CACHD1: variants seen among roughly 807,000 people sequenced by gnomAD.
CACHD1 encodes VWFA and cache domain-containing protein 1.
In CACHD1, 71 loss-of-function variants were observed where a neutral mutation model predicts 138.7. The ratio of observed to expected loss-of-function variants is 0.51; its 90% confidence interval spans 0.42 to 0.62. The LOEUF is 0.62. Ranked by LOEUF, CACHD1 falls within the 20% of genes least tolerant of loss-of-function variation. CACHD1 has a pLI of 0.00. For synonymous variants in CACHD1, 578 were observed against 591.5 expected (o/e 0.98, Z 0.33); for missense variants, 1,389 against 1,625.3 (o/e 0.85, Z 2.50).
At chr1:64,685,865 A>C (rs1413199257) in intron 26 of CACHD1, among the ~76,000 whole-genome samples, 2 of 152,012 alleles carry the variant, frequency 1.3e-5, no homozygotes, top group Non-Finnish European at 2.9e-5. Flanking sequence ...AAAGAAAAAA[A>C]AAATGCTGGG....
At chr1:64,673,307 A>G in intron 18 of CACHD1, 41 bp from the exon 19 acceptor site, 1 of 1,612,940 alleles carries the variant, frequency 6.2e-7, no homozygotes, top group Non-Finnish European at 8.5e-7. Context: ...CCTGCAGCTC[A>G]CTACATGGCA....
chr1:64,503,426 TAC>T (rs1393659354), intron 1 of CACHD1, among the ~76,000 whole-genome samples: 1 of 152,202 alleles, frequency 6.6e-6, no homozygotes, highest in Non-Finnish European at 1.5e-5. Flanking sequence ...TCCAAAAATT[TAC>T]AGAGCCAAGA....
chr1:64,654,004 G>A, intron 11 of CACHD1, 123 bp downstream of exon 11: 1 of 849,476 alleles, frequency 1.2e-6, no homozygotes, highest in Non-Finnish European at 1.7e-6. Flanking sequence ...GTTATCAAAA[G>A]TATTCTCAGT....
intron 1 of CACHD1, among the ~76,000 whole-genome samples, chr1:64,489,979 AC>A (rs1259408178): frequency 3.3e-5 from 5 of 152,212 alleles, no homozygotes; most frequent in African/African-American, 1.2e-4. Flanking sequence ...ACTTATACAT[AC>A]CCCAGTGGAC....
rs1457253308 is a variant in CACHD1 at position 64,691,892 on chromosome 1, C to A, written c.*331C>A. On this transcript the variant is annotated 3_prime_UTR_variant, in exon 27 of 27. Transcript: ENST00000651257. ...AGTGAAGCTGAGCCAGAGGAATGTT[C>A]CAAAGAGCCAGAAGCATTCAGCTCT... 6 of 310,526 alleles carry A rather than the reference C, an allele frequency of 1.9e-5. No homozygotes were observed. The East Asian group carries it at 3.8e-4, about 20-fold the overall frequency. 19.2% of individuals were successfully genotyped at this position (310,526 alleles called of 1,614,324 possible). A position where few individuals can be genotyped will look rare whatever the true frequency, so the allele number is the denominator to read the frequency against.
At chr1:64,584,920 G>C (rs1392472933) in intron 3 of CACHD1, among the ~76,000 whole-genome samples, 1 of 152,068 alleles carries the variant, frequency 6.6e-6, no homozygotes, top group African/African-American at 2.4e-5. Flanking sequence ...TCAAAGCAGA[G>C]AACTATACCA....
chr1:64,510,227 A>T (rs1478423225), intron 1 of CACHD1, among the ~76,000 whole-genome samples: 4 of 152,208 alleles, frequency 2.6e-5, no homozygotes, highest in Non-Finnish European at 5.9e-5. Flanking sequence ...TTGCTCCAAC[A>T]GCATTAAGAT....
At position 64,529,952 on chromosome 1, in the gene CACHD1, G is replaced by A. The variant is rs547287868; in HGVS notation, c.199-20642G>A. The stretch of plus-strand genomic sequence containing the variant: ...CTTTTTCGTCCTTCTAGTTGTTTAC[G>A]ATTGGTAAAGATTTACTGGCTAGAA... On this transcript the variant is annotated intron_variant, in intron 1 of 26. Transcript: ENST00000651257. 3.5e-4 allele frequency among the ~76,000 whole-genome samples: 54 copies of A among 152,186 alleles called. No homozygotes were observed. The South Asian group carries it at 5.2e-3, about 15-fold the overall frequency.
chr1:64,654,110 C>T (rs1427095996), intron 11 of CACHD1, among the ~76,000 whole-genome samples: 1 of 152,156 alleles, frequency 6.6e-6, no homozygotes, highest in Non-Finnish European at 1.5e-5. Context: ...TCTTGTAAAT[C>T]AAATTTTATG....
At chr1:64,663,903 A>T in intron 14 of CACHD1, 66 bp downstream of exon 14, 1 of 1,599,240 alleles carries the variant, frequency 6.3e-7, no homozygotes, top group Non-Finnish European at 8.6e-7. Context: ...GGGTGCTGGC[A>T]GTGAACCTTT....
chr1:64,562,610 A>T (rs1187876338), intron 2 of CACHD1, among the ~76,000 whole-genome samples: 3 of 144,570 alleles, frequency 2.1e-5, no homozygotes, highest in Non-Finnish European at 3.0e-5. Context: ...TTTAGTAGAG[A>T]TGGGGTTTCA....
chr1:64,557,403 A>C (rs932303499), intron 2 of CACHD1, among the ~76,000 whole-genome samples: 1 of 152,178 alleles, frequency 6.6e-6, no homozygotes, highest in African/African-American at 2.4e-5. Flanking sequence ...ATGAAATTGC[A>C]AACATATTTT....
rs1037592022 is a variant in CACHD1, at chr1:64,470,233, C to G, written c.-512C>G. Among the ~76,000 whole-genome samples, 1 of 152,132 alleles carries G rather than the reference C, an allele frequency of 6.6e-6. No individual in the cohort carries two copies. The highest frequency in any genetic ancestry group is 1.5e-5 in the Non-Finnish European group (1 of 68,016). On this transcript the variant is annotated 5_prime_UTR_variant, in exon 1 of 27. Coordinates refer to ENST00000651257, the MANE Select transcript of CACHD1 (RefSeq NM_020925.4). This position sits in a 1 kb window ranked among gnomAD's most constrained non-coding sequence, Gnocchi z 5.2. Reference sequence around the variant, plus strand: ...TCAGTTGTGTGGGTTTGTGAAGCCTCCCCTTTCCCTCCTCGCTCGGGTGGC... The same window carrying G: ...TCAGTTGTGTGGGTTTGTGAAGCCTGCCCTTTCCCTCCTCGCTCGGGTGGC...
intron 2 of CACHD1, among the ~76,000 whole-genome samples, chr1:64,573,445 A>G (rs1056210606): frequency 1.3e-5 from 2 of 152,180 alleles, no homozygotes; most frequent in African/African-American, 2.4e-5. Flanking sequence ...ATGCCACTGT[A>G]TAGTATTTGT....
At chr1:64,667,403 G>A (rs1649670639) in intron 16 of CACHD1, among the ~76,000 whole-genome samples, 1 of 152,166 alleles carries the variant, frequency 6.6e-6, no homozygotes, top group Non-Finnish European at 1.5e-5. Flanking sequence ...TCAATATCAT[G>A]GCCTATGTCT....
At chr1:64,548,765 A>G (rs774548097) in intron 1 of CACHD1, among the ~76,000 whole-genome samples, 30 of 152,362 alleles carry the variant, frequency 2.0e-4, no homozygotes, top group Non-Finnish European at 2.9e-4. Context: ...TCACTGCCAA[A>G]TAAGTTCAGG....
chr1:64,533,919 A>G (rs1646610002), intron 1 of CACHD1, among the ~76,000 whole-genome samples: 1 of 151,414 alleles, frequency 6.6e-6, no homozygotes, highest in Non-Finnish European at 1.5e-5. Flanking sequence ...CATCCGGCTA[A>G]TTTTTTTGTA....
chr1:64,525,564 C>T (rs1365333434), intron 1 of CACHD1, among the ~76,000 whole-genome samples: 1 of 152,150 alleles, frequency 6.6e-6, no homozygotes, highest in Non-Finnish European at 1.5e-5. Flanking sequence ...GTACTTACAT[C>T]TTTAGAATTA....
intron 1 of CACHD1, among the ~76,000 whole-genome samples, chr1:64,503,732 G>A (rs1330142454): frequency 6.6e-6 from 1 of 152,176 alleles, no homozygotes; most frequent in Non-Finnish European, 1.5e-5. Flanking sequence ...ATTTTGTAGA[G>A]CTTCTTTAGA....
Sources: gnomAD v4.1 joint callset for allele counts (sites outside exome capture counted in the v4.1 genomes callset) on GRCh38, gnomAD v4.1.1 for gene constraint, Gnocchi (gnomAD v3.1) non-coding constraint, MANE v1.5 for transcripts, NCBI Gene and HGNC (gene_info 2026-07-23, HGNC 2026-07-21) for gene names.